SH3D21: variants seen among roughly 807,000 people sequenced by gnomAD.
The protein encoded by SH3D21 is SH3 domain-containing protein 21.
In SH3D21, 83 loss-of-function variants were observed where a neutral mutation model predicts 82.1. That is an observed-to-expected ratio of 1.01 (90% CI 0.85 to 1.21). The LOEUF (loss-of-function observed/expected upper bound fraction) is 1.21. Ranked by LOEUF, SH3D21 falls within the 50% of genes most tolerant of loss-of-function variation. SH3D21 has a pLI of 0.00. For missense variants in SH3D21, 980 were observed against 962.1 expected (o/e 1.02, Z -0.25); for synonymous variants, 383 against 387.8 (o/e 0.99, Z 0.15).
In SH3D21 at chr1:36,319,168, A is replaced by G; in HGVS notation, c.863+4A>G. 6.4e-7 allele frequency: 1 copy of G among 1,551,234 alleles called. No individual in the cohort carries two copies. The highest frequency in any genetic ancestry group is 8.7e-7 in the Non-Finnish European group (1 of 1,146,532). On this transcript the variant is annotated splice_donor_region_variant and intron_variant, in intron 11 of 15. Coordinates refer to ENST00000453908, the MANE Select transcript of SH3D21 (RefSeq NM_001162530.2). The stretch of plus-strand genomic sequence containing the variant: ...CCACTGGGCCCAGCAAAGCCAAGTA[A>G]GGAGCAGGATGGGGTTGGGGGAAGG...
intron 10 of SH3D21, among the ~76,000 whole-genome samples, chr1:36,312,191 A>AT (rs1646254498): frequency 6.6e-6 from 1 of 151,062 alleles, no homozygotes; most frequent in Admixed American, 6.6e-5. Context: ...CGCCCGGCTA[A>AT]TTTTTTGTAT....
At chr1:36,318,191 G>T (rs1040976119) in intron 10 of SH3D21, among the ~76,000 whole-genome samples, 1 of 152,170 alleles carries the variant, frequency 6.6e-6, no homozygotes, top group Non-Finnish European at 1.5e-5. Flanking sequence ...GGAGTCATTT[G>T]TCATCCAAAC....
chr1:36,320,248 G>T lies in SH3D21; in HGVS notation c.1585G>T (p.Glu529Ter), dbSNP rs771301840. The change falls in exon 14 of 16, where the codon GAG (glutamate) becomes TAG (stop). Residue 529 changes from glutamate (E) to a stop codon, truncating the protein, a stop_gained. Transcript: ENST00000453908. LOFTEE classifies it high-confidence loss of function. ...CAAAGAGGATCCATCATCCCAGGAG[G>T]AGGCCCACACGCCAGAGGCACCCCC... ...VAKEDPSSQE[E>*]AHTPEAPPPQ... The T allele has an allele frequency of 2.7e-5, 44 of 1,612,936 alleles. No individual in the cohort carries two copies. The highest frequency in any genetic ancestry group is 3.7e-5 in the Non-Finnish European group (44 of 1,179,988).
At position 36,307,613 on chromosome 1, in the gene SH3D21, A is replaced by G; in HGVS notation, c.436+6A>G. 1 of 1,551,024 alleles carries G rather than the reference A, an allele frequency of 6.4e-7. No homozygotes were observed. On this transcript the variant is annotated splice_donor_region_variant and intron_variant, in intron 5 of 15. Transcript: ENST00000453908. This position sits in a 1 kb window ranked among gnomAD's most constrained non-coding sequence, Gnocchi z 5.4. Reference sequence around the variant, plus strand: ...GCTGGACAGTGGGCCCCCAAGTGAGACCTCGACTCTGTGACCCTGTGACTC... The same window carrying G: ...GCTGGACAGTGGGCCCCCAAGTGAGGCCTCGACTCTGTGACCCTGTGACTC...
chr1:36,326,445 G>A (rs1646546526), downstream of SH3D21, among the ~76,000 whole-genome samples: 1 of 152,126 alleles, frequency 6.6e-6, no homozygotes. Flanking sequence ...TGGTCAGGCT[G>A]GTCTCGAACT....
At chr1:36,317,945 C>A (rs1012014940) in intron 10 of SH3D21, among the ~76,000 whole-genome samples, 7 of 152,132 alleles carry the variant, frequency 4.6e-5, no homozygotes, top group African/African-American at 1.7e-4. Flanking sequence ...TATCTGCTTC[C>A]CCAATAGAAC....
In SH3D21 at chr1:36,307,680, C is replaced by T. The variant is rs996075395; in HGVS notation, c.436+73C>T. The T allele has an allele frequency of 1.6e-5, 24 of 1,540,330 alleles. No homozygotes were observed. In the African/African-American group the frequency reaches 2.9e-4, roughly 18 times the overall value. On this transcript the variant is annotated intron_variant, in intron 5 of 15. Transcript: ENST00000453908. The surrounding 1 kb of genome is among the most constrained non-coding windows in gnomAD (Gnocchi z 5.4). ...CTCCCAGTGGCATGAGCCTGTGATT[C>T]ACATATCCTGACCCTGTGACCCCTC... is the stretch of plus-strand genomic sequence containing the variant.
chr1:36,319,664 C>T lies in SH3D21; in HGVS notation c.1012-11C>T. On this transcript the variant is annotated splice_polypyrimidine_tract_variant and intron_variant, in intron 13 of 15. Transcript: ENST00000453908. ...CAACCTCAGCTGAGACTTCACCTCC[C>T]ATCACGGCAGGAGGAAGAGCACAGC... The T allele has an allele frequency of 1.3e-6, 2 of 1,571,668 alleles. No individual in the cohort carries two copies. The highest frequency in any genetic ancestry group is 8.6e-7 in the Non-Finnish European group (1 of 1,158,914).
intron 10 of SH3D21, among the ~76,000 whole-genome samples, chr1:36,314,433 A>G (rs1407155648): frequency 1.3e-5 from 2 of 150,586 alleles, no homozygotes; most frequent in Admixed American, 6.6e-5. Flanking sequence ...ATGCGTATAT[A>G]TATATATGGT....
downstream of SH3D21, among the ~76,000 whole-genome samples, chr1:36,326,170 G>A (rs1646542287): frequency 6.6e-6 from 1 of 152,138 alleles, no homozygotes; most frequent in Non-Finnish European, 1.5e-5. Flanking sequence ...GCAGGGGAGA[G>A]TGGCAGGGGC....
Position 36,307,700 on chromosome 1 carries a change from C to G in SH3D21, c.437-70C>G, listed in dbSNP as rs1246186208. 6.5e-7 allele frequency: 1 copy of G among 1,536,716 alleles called. No individual in the cohort carries two copies. Among genetic ancestry groups the G allele is most frequent in the Non-Finnish European group, 8.8e-7 (1 of 1,136,388 alleles). ...TGATTCACATATCCTGACCCTGTGA[C>G]CCCTCTGACCCTCTCCCATGACCTA... On this transcript the variant is annotated intron_variant, in intron 5 of 15. Transcript: ENST00000453908. The surrounding 1 kb of genome is among the most constrained non-coding windows in gnomAD (Gnocchi z 5.4).
rs1557471147 is a variant in SH3D21, at chr1:36,307,759, T to TC, written c.437-6dup. 1.3e-6 allele frequency: 2 copies of TC among 1,551,464 alleles called. No individual in the cohort carries two copies. The highest frequency in any genetic ancestry group is 2.4e-5 in the South Asian group (2 of 83,966). On this transcript the variant is annotated splice_polypyrimidine_tract_variant and intron_variant, in intron 5 of 15. Transcript: ENST00000453908. The surrounding 1 kb of genome is among the most constrained non-coding windows in gnomAD (Gnocchi z 5.4). Reference sequence around the variant, plus strand: ...ATTAGCACCCTCCCTAACCTCACTGTCCCCCACTAGGCCTTGGTAACCCAG... The same window carrying TC: ...ATTAGCACCCTCCCTAACCTCACTGTCCCCCCACTAGGCCTTGGTAACCCAG...
chr1:36,321,422 C>A (rs1045268890), downstream of SH3D21: 1 of 1,251,030 alleles, frequency 8.0e-7, no homozygotes, highest in Non-Finnish European at 1.0e-6. The surrounding 1 kb of genome is among the most constrained non-coding windows in gnomAD (Gnocchi z 6.1). Context: ...CGGACTCCAG[C>A]CGCGCACTGG....
rs914467196 is a variant in SH3D21 at position 36,307,314 on chromosome 1, G to C, written c.345+29G>C. On this transcript the variant is annotated intron_variant, in intron 4 of 15. Transcript: ENST00000453908. The surrounding 1 kb of genome is among the most constrained non-coding windows in gnomAD (Gnocchi z 5.4). ...AGGGGTGAGGTGATGGGACCGTTTGGGGGAGGATGATGGAACGCGCCTCCC... is the reference window on the plus strand; with the variant it reads ...AGGGGTGAGGTGATGGGACCGTTTGCGGGAGGATGATGGAACGCGCCTCCC... The C allele has an allele frequency of 1.3e-6, 2 of 1,551,104 alleles. No individual in the cohort carries two copies. The highest frequency in any genetic ancestry group is 1.2e-5 in the South Asian group (1 of 84,002).
In SH3D21 at chr1:36,320,483, A is replaced by G. The variant is rs770814383; in HGVS notation, c.1820A>G (p.Asn607Ser). 1.9e-6 allele frequency: 3 copies of G among 1,613,670 alleles called. No homozygotes were observed. Among genetic ancestry groups the G allele is most frequent in the South Asian group, 2.2e-5 (2 of 91,048 alleles). The change falls in exon 14 of 16, where the codon AAC (asparagine) becomes AGC (serine). Residue 607 changes from asparagine (N) to serine (S), a missense_variant. Asn to Ser is a conservative substitution (Grantham distance 46, BLOSUM62 1). Transcript: ENST00000453908. ...ERTPEEEAPP[N>S]EQRPLREEVL... The stretch of plus-strand genomic sequence containing the variant: ...ACCCCTGAAGAGGAGGCGCCCCCCA[A>G]CGAGCAGAGGCCTCTGAGAGAGGAG...
intron 10 of SH3D21, among the ~76,000 whole-genome samples, chr1:36,310,718 T>C (rs1646222179): frequency 6.6e-6 from 1 of 152,168 alleles, no homozygotes; most frequent in African/African-American, 2.4e-5. Flanking sequence ...TTTCCTATTC[T>C]ACCACTTCCC....
intron 10 of SH3D21, among the ~76,000 whole-genome samples, chr1:36,316,123 G>A (rs1008962734): frequency 4.6e-5 from 7 of 152,154 alleles, no homozygotes; most frequent in Admixed American, 4.6e-4. Context: ...GCCCTCTAGC[G>A]TGTTTTATGA....
At chr1:36,324,133 CT>C (rs1646516435), downstream of SH3D21, 2 of 152,248 alleles carry the variant, frequency 1.3e-5, no homozygotes, top group Admixed American at 1.3e-4. Context: ...TCCACCCCTC[CT>C]TCCAGGGCCC....
In SH3D21 at chr1:36,307,348, G is replaced by C. The variant is rs1471724170; in HGVS notation, c.345+63G>C. The C allele has an allele frequency of 6.5e-7, 1 of 1,542,324 alleles. No individual in the cohort carries two copies. Among genetic ancestry groups the C allele is most frequent in the Non-Finnish European group, 8.8e-7 (1 of 1,139,556 alleles). ...GATGGAACGCGCCTCCCTAGTGAGC[G>C]GGGTGGGAAGTGAGGGTGTGGACGG... On this transcript the variant is annotated intron_variant, in intron 4 of 15. Transcript: ENST00000453908. The surrounding 1 kb of genome is among the most constrained non-coding windows in gnomAD (Gnocchi z 5.4).
Sources: gnomAD v4.1 joint callset for allele counts (sites outside exome capture counted in the v4.1 genomes callset) on GRCh38, gnomAD v4.1.1 for gene constraint, Gnocchi (gnomAD v3.1) non-coding constraint, MANE v1.5 for transcripts, NCBI Gene and HGNC (gene_info 2026-07-23, HGNC 2026-07-21) for gene names.